PCSK5: variants seen among roughly 807,000 people sequenced by gnomAD.
PCSK5 encodes proprotein convertase subtilisin/kexin type 5.
A neutral mutation model predicts 233.2 loss-of-function variants in PCSK5; 129 were observed. That is an observed-to-expected ratio of 0.55 (90% CI 0.48 to 0.64). PCSK5 has a LOEUF of 0.64. Among genes scored for constraint, PCSK5 ranks in the 30% least tolerant of loss-of-function variants. The probability of loss-of-function intolerance (pLI) is 0.00; values close to 1 mark genes in which losing one functional copy is unlikely to be tolerated. For synonymous variants in PCSK5, 825 were observed against 879.2 expected, an observed-to-expected ratio of 0.94 and a Z score of 1.09; for missense variants, 2,076 against 2,430.1, an observed-to-expected ratio of 0.85 and a Z score of 3.06.
At chr9:76,272,094 A>G (rs906728621) in intron 24 of PCSK5, among the ~76,000 whole-genome samples, 3 of 152,190 alleles carry the variant, frequency 2.0e-5, no homozygotes, top group Admixed American at 6.5e-5. Flanking sequence ...GAGTGTTACT[A>G]TGTATACTAT....
At chr9:76,342,512 T>G (rs1221765579) in intron 35 of PCSK5, among the ~76,000 whole-genome samples, 1 of 152,214 alleles carries the variant, frequency 6.6e-6, no homozygotes, top group Non-Finnish European at 1.5e-5. Flanking sequence ...ATCAGCACGT[T>G]TGCTGTCTAG....
intron 33 of PCSK5, among the ~76,000 whole-genome samples, chr9:76,331,696 G>A (rs942745967): frequency 1.3e-5 from 2 of 152,020 alleles, no homozygotes; most frequent in African/African-American, 4.8e-5. Context: ...GATGCCAGGG[G>A]ATCAGAGTCA....
chr9:76,013,930 A>G (rs1277382360), intron 3 of PCSK5, among the ~76,000 whole-genome samples: 2 of 151,544 alleles, frequency 1.3e-5, no homozygotes, highest in Non-Finnish European at 2.9e-5. Context: ...ATTATTTCCC[A>G]TAATTTTTTC....
At chr9:76,297,144 C>T (rs571691096) in intron 27 of PCSK5, among the ~76,000 whole-genome samples, 20 of 152,168 alleles carry the variant, frequency 1.3e-4, no homozygotes, top group Admixed American at 1.1e-3. Flanking sequence ...GAAGCAGGCC[C>T]GGAAGCAAGT....
chr9:76,007,341 T>A (rs573822708), intron 3 of PCSK5, among the ~76,000 whole-genome samples: 1 of 152,332 alleles, frequency 6.6e-6, no homozygotes, highest in African/African-American at 2.4e-5. Flanking sequence ...TGCAATATTT[T>A]GATTCTCTTT....
At chr9:76,133,446 C>A (rs12342849) in intron 9 of PCSK5, among the ~76,000 whole-genome samples, 14,836 of 152,008 alleles carry the variant, frequency 0.098, 1,199 homozygotes, top group African/African-American at 0.22. Flanking sequence ...TTCTTCAGTG[C>A]TAGTAGCCAT....
intron 35 of PCSK5, among the ~76,000 whole-genome samples, chr9:76,348,801 GC>G (rs1177747483): frequency 6.7e-6 from 1 of 148,700 alleles, no homozygotes; most frequent in Non-Finnish European, 1.5e-5. Flanking sequence ...AGTCCCCTCA[GC>G]CCCCCAGCCC....
chr9:76,134,309 T>A, intron 10 of PCSK5, 97 bp downstream of exon 10: 2 of 667,008 alleles, frequency 3.0e-6, no homozygotes. Flanking sequence ...AAACGAAACT[T>A]TAAACTTTGT....
rs373414096 is a variant in PCSK5, at chr9:76,354,324, T to C, written c.5254+105T>C. The C allele has an allele frequency of 9.7e-4, 811 of 837,804 alleles. 8 individuals carry two copies. In the South Asian group the frequency reaches 0.014, roughly 15 times the overall value. The allele number at this position is 837,804 out of a possible 1,614,324, so 51.9% of individuals were successfully genotyped here. The stretch of plus-strand genomic sequence containing the variant: ...GAAAGTTCAGGAGAATCAATATGGC[T>C]ACCTTTTTATTGAGTGCCTACTATG... On this transcript the variant is annotated intron_variant, in intron 37 of 37. Coordinates refer to ENST00000674117, the MANE Select transcript of PCSK5 (RefSeq NM_001372043.1).
At chr9:76,259,303 G>T (rs374261134) in intron 24 of PCSK5, among the ~76,000 whole-genome samples, 2 of 152,074 alleles carry the variant, frequency 1.3e-5, no homozygotes, top group African/African-American at 4.8e-5. Context: ...TTGCCCCAGG[G>T]CCCTGCACTA....
At chr9:76,057,172 A>G (rs1160087871) in intron 5 of PCSK5, among the ~76,000 whole-genome samples, 1 of 152,208 alleles carries the variant, frequency 6.6e-6, no homozygotes, top group Non-Finnish European at 1.5e-5. Context: ...TCTGAAACAT[A>G]GACTTTTCTT....
intron 24 of PCSK5, among the ~76,000 whole-genome samples, chr9:76,262,181 C>T (rs1267090584): frequency 2.6e-5 from 4 of 152,020 alleles, no homozygotes; most frequent in Admixed American, 6.6e-5. Context: ...GAATCAATAT[C>T]GTGAAAATGG....
chr9:76,171,041 CTG>C, intron 13 of PCSK5, among the ~76,000 whole-genome samples: 2 of 152,328 alleles, frequency 1.3e-5, no homozygotes, highest in South Asian at 4.1e-4. Context: ...TAAAGAGTAT[CTG>C]TGCCCAGCTC....
chr9:76,126,637 C>T (rs1276242941), intron 9 of PCSK5, among the ~76,000 whole-genome samples: 1 of 151,964 alleles, frequency 6.6e-6, no homozygotes, highest in African/African-American at 2.4e-5. Flanking sequence ...TTTTTTACAG[C>T]AATATGGATG....
chr9:76,348,465 C>T (rs1342544948), intron 35 of PCSK5, among the ~76,000 whole-genome samples: 1 of 151,850 alleles, frequency 6.6e-6, no homozygotes, highest in Non-Finnish European at 1.5e-5. Context: ...GCCTGTAATC[C>T]CAGCTACTCA....
chr9:75,893,044 G>A (rs1825677808), intron 1 of PCSK5, among the ~76,000 whole-genome samples: 1 of 152,222 alleles, frequency 6.6e-6, no homozygotes, highest in African/African-American at 2.4e-5. Flanking sequence ...CTTTTTACAT[G>A]AACTTAAAGT....
chr9:75,974,422 A>G (rs758701095), intron 2 of PCSK5, among the ~76,000 whole-genome samples: 6 of 152,238 alleles, frequency 3.9e-5, no homozygotes, highest in Non-Finnish European at 8.8e-5. Flanking sequence ...GGTTTGCCTC[A>G]GGCAACTGGA....
At chr9:75,959,644 A>G (rs1260983415) in intron 2 of PCSK5, among the ~76,000 whole-genome samples, 2 of 152,218 alleles carry the variant, frequency 1.3e-5, no homozygotes, top group Non-Finnish European at 1.5e-5. Context: ...TACATACTCC[A>G]GTGTGGCTGG....
intron 27 of PCSK5, among the ~76,000 whole-genome samples, chr9:76,299,911 T>C (rs1828553799): frequency 6.6e-6 from 1 of 152,220 alleles, no homozygotes; most frequent in East Asian, 1.9e-4. Flanking sequence ...CCCCCGGTAG[T>C]GCTGGAGAGT....
Sources: gnomAD v4.1 joint callset for allele counts (sites outside exome capture counted in the v4.1 genomes callset) on GRCh38, gnomAD v4.1.1 for gene constraint, MANE v1.5 for transcripts, NCBI Gene and HGNC (gene_info 2026-07-23, HGNC 2026-07-21) for gene names.